The following CCDC171 variants were observed in gnomAD, a reference collection of about 807,000 sequenced individuals.
CCDC171 encodes coiled-coil domain-containing protein 171.
CCDC171 carries 177 observed loss-of-function variants against 168.2 expected under a neutral mutation model. The ratio of observed to expected loss-of-function variants is 1.05; its 90% CI spans 0.93 to 1.19. CCDC171 has a LOEUF of 1.19. Ranked by LOEUF, CCDC171 falls within the 50% of genes most tolerant of loss-of-function variation. The pLI is 0.00. For synonymous variants in CCDC171, 687 were observed against 540.8 expected (o/e 1.27, Z -3.75); for missense variants, 1,991 against 1,539.0 (o/e 1.29, Z -4.91).
chr9:15,968,406 T>G (rs895595162), intron 25 of CCDC171, among the ~76,000 whole-genome samples: 4 of 152,232 alleles, frequency 2.6e-5, no homozygotes, highest in Non-Finnish European at 5.9e-5. Context: ...CTGTGTTACA[T>G]TAAAATAGTA....
intron 3 of CCDC171, among the ~76,000 whole-genome samples, chr9:16,001,160 C>G (rs1589313598): frequency 6.6e-6 from 1 of 152,162 alleles, no homozygotes; most frequent in African/African-American, 2.4e-5. Flanking sequence ...CCTAGAAAAT[C>G]AAGATAGGAA....
intron 18 of CCDC171, among the ~76,000 whole-genome samples, chr9:15,758,983 T>C (rs933453353): frequency 2.0e-5 from 3 of 152,214 alleles, no homozygotes; most frequent in African/African-American, 7.2e-5. Context: ...AACAGACTAA[T>C]ACAGTGGCCT....
chr9:15,936,113 A>G (rs529336254), intron 25 of CCDC171, among the ~76,000 whole-genome samples: 15 of 152,204 alleles, frequency 9.9e-5, no homozygotes, highest in African/African-American at 3.6e-4. Flanking sequence ...TAGAAGCACA[A>G]GACTAGTGTT....
intron 2 of CCDC171, among the ~76,000 whole-genome samples, chr9:15,569,116 T>G (rs2039992939): frequency 6.6e-6 from 1 of 152,278 alleles, no homozygotes; most frequent in Non-Finnish European, 1.5e-5. Context: ...TTTCTGAAAT[T>G]TCCATGCATT....
chr9:15,555,858 G>A (rs756257148), intron 1 of CCDC171, among the ~76,000 whole-genome samples: 2 of 151,872 alleles, frequency 1.3e-5, no homozygotes, highest in Non-Finnish European at 2.9e-5. Flanking sequence ...GCCAGGCCCC[G>A]GTGTGTGATG....
chr9:16,012,604 G>T, intron 3 of CCDC171, among the ~76,000 whole-genome samples: 1 of 32,978 alleles, frequency 3.0e-5, no homozygotes, highest in South Asian at 4.8e-4. Flanking sequence ...ATGGATTGCT[G>T]GTTGTTTTTT....
chr9:15,631,072 A>C (rs969855034), intron 7 of CCDC171, among the ~76,000 whole-genome samples: 1 of 152,158 alleles, frequency 6.6e-6, no homozygotes, highest in Non-Finnish European at 1.5e-5. Context: ...GAAAGCCGGA[A>C]AGATCCAAAA....
Position 15,686,105 on chromosome 9 carries a change from T to G in CCDC171, c.1215+7209T>G, listed in dbSNP as rs546650740. 8.5e-5 allele frequency among the ~76,000 whole-genome samples: 13 copies of G among 152,314 alleles called. No individual in the cohort carries two copies. In the East Asian group the frequency reaches 2.3e-3, roughly 27 times the overall value. On this transcript the variant is annotated intron_variant, in intron 10 of 25. Coordinates refer to ENST00000380701, the MANE Select transcript of CCDC171 (RefSeq NM_173550.4). Reference sequence around the variant, plus strand: ...GAGCTCTATACTTGAAAGAGAATTATTTTTGAACTAGGAATTTAATTGAAC... The same window carrying G: ...GAGCTCTATACTTGAAAGAGAATTAGTTTTGAACTAGGAATTTAATTGAAC...
chr9:16,018,131 G>A (rs1335010267), intron 3 of CCDC171, among the ~76,000 whole-genome samples: 1 of 152,166 alleles, frequency 6.6e-6, no homozygotes, highest in Non-Finnish European at 1.5e-5. Flanking sequence ...TAGAATAGAT[G>A]TTAGGTGCTA....
At chr9:16,087,859 G>C in the CCDC171 span, among the ~76,000 whole-genome samples, 3 of 151,880 alleles carry the variant, frequency 2.0e-5, no homozygotes, top group African/African-American at 7.3e-5. Flanking sequence ...ATTATAGTTT[G>C]GTATGTTTTT....
chr9:15,678,974 A>G (rs1290488204), intron 10 of CCDC171, 78 bp downstream of exon 10: 1 of 1,075,574 alleles, frequency 9.3e-7, no homozygotes, highest in Non-Finnish European at 1.3e-6. Flanking sequence ...TTTCCTCACC[A>G]CATTCCATGA....
At chr9:15,761,825 A>G (rs1298135282) in intron 18 of CCDC171, among the ~76,000 whole-genome samples, 1 of 152,126 alleles carries the variant, frequency 6.6e-6, no homozygotes, top group African/African-American at 2.4e-5. Flanking sequence ...TATCACTTTC[A>G]CATTTTGCCA....
intron 10 of CCDC171, among the ~76,000 whole-genome samples, chr9:15,679,732 A>G (rs540146907): frequency 5.9e-5 from 9 of 152,218 alleles, no homozygotes; most frequent in African/African-American, 1.9e-4. Context: ...ATTTTTTTAC[A>G]GAGATGAGGT....
At position 15,946,379 on chromosome 9, in the gene CCDC171, GACAA is replaced by G. The variant is rs1282559021; in HGVS notation, c.3754-25226_3754-25223del. Among the ~76,000 whole-genome samples, 13 of 152,044 alleles carry G rather than the reference GACAA, an allele frequency of 8.6e-5. No individual in the cohort carries two copies. The South Asian group carries it at 1.0e-3, about 12-fold the overall frequency. ...CAAGCGTTCTTATACACCAATAACA[GACAA>G]ACAGAGAGCCGAATCATGAGTGAAC... is the stretch of plus-strand genomic sequence containing the variant. On this transcript the variant is annotated intron_variant, in intron 25 of 25. Coordinates refer to ENST00000380701, the MANE Select transcript of CCDC171 (RefSeq NM_173550.4).
At chr9:15,743,641 G>A (rs1270692501) in intron 16 of CCDC171, among the ~76,000 whole-genome samples, 1 of 152,190 alleles carries the variant, frequency 6.6e-6, no homozygotes, top group African/African-American at 2.4e-5. Context: ...AAGGAGCAGA[G>A]GGCTGCTGAG....
At chr9:15,822,925 G>A (rs571514322) in intron 21 of CCDC171, among the ~76,000 whole-genome samples, 3 of 152,178 alleles carry the variant, frequency 2.0e-5, no homozygotes, top group Non-Finnish European at 4.4e-5. Context: ...GCAAAGACTT[G>A]GAACCAACCC....
At chr9:15,814,839 G>A (rs2059502176) in intron 21 of CCDC171, among the ~76,000 whole-genome samples, 1 of 152,136 alleles carries the variant, frequency 6.6e-6, no homozygotes, top group South Asian at 2.1e-4. Context: ...TATGTAAAAA[G>A]TGTAGTACTT....
chr9:15,986,947 G>GA (rs397773326), intron 3 of CCDC171, among the ~76,000 whole-genome samples: 10 of 42,326 alleles, frequency 2.4e-4, no homozygotes, highest in Middle Eastern at 8.2e-3. Context: ...CATTTGTCCA[G>GA]AAAAAAAACC....
intron 7 of CCDC171, among the ~76,000 whole-genome samples, chr9:15,628,641 T>A (rs928402325): frequency 6.6e-6 from 1 of 151,850 alleles, no homozygotes; most frequent in Non-Finnish European, 1.5e-5. Flanking sequence ...CTCTGCAGAC[T>A]TAAATGTCCC....
Sources: allele counts gnomAD v4.1 joint callset (sites outside exome capture counted in the v4.1 genomes callset), GRCh38; gene constraint gnomAD v4.1.1; transcripts MANE v1.5; gene names NCBI Gene and HGNC (gene_info 2026-07-23, HGNC 2026-07-21).